Variants in MINDY2 observed in about 807,000 individuals in gnomAD.
The protein encoded by MINDY2 is MINDY lysine 48 deubiquitinase 2.
A neutral mutation model predicts 68.2 loss-of-function variants in MINDY2; 52 were observed. That is an observed-to-expected ratio of 0.76 (90% confidence interval 0.61 to 0.96). The LOEUF is 0.96. Among genes scored for constraint, MINDY2 ranks in the 40% least tolerant of loss-of-function variants. The pLI, the probability that MINDY2 is intolerant of heterozygous loss-of-function variation, is 0.00. For synonymous variants in MINDY2, 372 were observed against 303.0 expected (o/e 1.23, Z -2.36); for missense variants, 881 against 773.4 (o/e 1.14, Z -1.65).
intron 5 of MINDY2, among the ~76,000 whole-genome samples, chr15:58,828,630 C>T (rs1471452387): frequency 7.5e-6 from 1 of 133,744 alleles, no homozygotes; most frequent in Non-Finnish European, 1.5e-5. Context: ...GGTGCGATCT[C>T]GGCTCACTGA....
At chr15:58,832,821 C>T (rs1198982220) in intron 6 of MINDY2, among the ~76,000 whole-genome samples, 5 of 152,174 alleles carry the variant, frequency 3.3e-5, no homozygotes, top group East Asian at 3.8e-4. Context: ...CCACCGTGTG[C>T]GGCCAGAACT....
At chr15:58,797,391 C>T (rs1277909221) in intron 2 of MINDY2, among the ~76,000 whole-genome samples, 1 of 151,998 alleles carries the variant, frequency 6.6e-6, no homozygotes, top group Admixed American at 6.6e-5. Flanking sequence ...ACCAGTAGTC[C>T]CTGCTGCTCA....
intron 4 of MINDY2, among the ~76,000 whole-genome samples, chr15:58,811,179 C>A (rs556496820): frequency 6.6e-6 from 1 of 152,316 alleles, no homozygotes; most frequent in African/African-American, 2.4e-5. Flanking sequence ...AAAGGTCAAA[C>A]CTCTCTTTGG....
intron 1 of MINDY2, among the ~76,000 whole-genome samples, chr15:58,779,905 T>G (rs1326179110): frequency 2.0e-5 from 3 of 152,130 alleles, no homozygotes; most frequent in Admixed American, 2.0e-4. Flanking sequence ...CCATTCAACC[T>G]TGTCTGTTGA....
At chr15:58,826,182 G>C (rs1268631460) in intron 5 of MINDY2, among the ~76,000 whole-genome samples, 1 of 140,680 alleles carries the variant, frequency 7.1e-6, no homozygotes, top group African/African-American at 2.7e-5. Flanking sequence ...TTTACCAATT[G>C]TTGATATGTT....
At chr15:58,817,419 A>G (rs1230824868) in intron 4 of MINDY2, among the ~76,000 whole-genome samples, 2 of 152,224 alleles carry the variant, frequency 1.3e-5, no homozygotes, top group Admixed American at 6.5e-5. Context: ...CAGACTGGCT[A>G]ACATTTAAAA....
chr15:58,771,477 G>A lies in MINDY2; in HGVS notation c.82G>A (p.Glu28Lys). 1 of 1,612,636 alleles carries A rather than the reference G, an allele frequency of 6.2e-7. No individual in the cohort carries two copies. The highest frequency in any genetic ancestry group is 8.5e-7 in the Non-Finnish European group (1 of 1,179,846). ...AGCGTCAGGGACAGGTTCTTCGCAG[G>A]AAGGGCTACAGGAGACCAGGCTCGC... is the stretch of plus-strand genomic sequence containing the variant. ...GPASGTGSSQ[E>K]GLQETRLAAG... The change falls in exon 1 of 9, where the codon GAA becomes AAA. Residue 28 changes from glutamate (E) to lysine (K), a missense_variant. Glu to Lys is a moderately conservative substitution (Grantham distance 56). Transcript: ENST00000559228.
intron 2 of MINDY2, among the ~76,000 whole-genome samples, chr15:58,788,198 G>T (rs1901636893): frequency 6.6e-6 from 1 of 152,132 alleles, no homozygotes; most frequent in Non-Finnish European, 1.5e-5. Flanking sequence ...GTAACGTCTA[G>T]AAAACAAGAT....
At chr15:58,842,629 T>C (rs551573463) in intron 6 of MINDY2, among the ~76,000 whole-genome samples, 1 of 152,212 alleles carries the variant, frequency 6.6e-6, no homozygotes, top group Non-Finnish European at 1.5e-5. Flanking sequence ...TTCATCTTTT[T>C]CTCTTAAATA....
At chr15:58,775,571 G>A (rs1263254672) in intron 1 of MINDY2, among the ~76,000 whole-genome samples, 2 of 152,160 alleles carry the variant, frequency 1.3e-5, no homozygotes, top group Non-Finnish European at 1.5e-5. Context: ...TGGTTAGAGA[G>A]TTCTTTGTCC....
intron 6 of MINDY2, among the ~76,000 whole-genome samples, chr15:58,844,363 C>T (rs942765122): frequency 2.7e-5 from 4 of 150,282 alleles, no homozygotes; most frequent in South Asian, 2.1e-4. Flanking sequence ...CTGGCTAACA[C>T]GGTGAAACCC....
At position 58,772,065 on chromosome 15, in the gene MINDY2, G is replaced by A; in HGVS notation, c.670G>A (p.Glu224Lys). 5 of 1,611,910 alleles carry A rather than the reference G, an allele frequency of 3.1e-6. No homozygotes were observed. The highest frequency in any genetic ancestry group is 3.4e-6 in the Non-Finnish European group (4 of 1,178,748). ...AVPLCKEEEG[E>K]ETAQVLAASK... is the part of the protein sequence containing the mutation. ...TCCTCTGTGCAAGGAGGAGGAGGGG[G>A]AGGAGACCGCTCAGGTGCTGGCGGC... The change falls in exon 1 of 9, where the codon GAG becomes AAG. Residue 224 changes from glutamate to lysine, a missense_variant. Coordinates refer to ENST00000559228, the MANE Select transcript of MINDY2 (RefSeq NM_001040450.3).
Position 58,855,184 on chromosome 15 carries a change from T to C in MINDY2, c.*574T>C, listed in dbSNP as rs2033018985. Reference sequence around the variant, plus strand: ...TTTACCTTTATTTAGGAATGTACATTTTAGGTATTATCTTGATCATGGAGC... The same window carrying C: ...TTTACCTTTATTTAGGAATGTACATCTTAGGTATTATCTTGATCATGGAGC... On this transcript the variant is annotated 3_prime_UTR_variant, in exon 9 of 9. Coordinates refer to ENST00000559228, the MANE Select transcript of MINDY2 (RefSeq NM_001040450.3). 6.5e-6 allele frequency: 1 copy of C among 152,700 alleles called. No individual in the cohort carries two copies. The allele number at this position is 152,700 out of a possible 1,614,324, so 9.5% of individuals were successfully genotyped here.
chr15:58,823,857 G>GA (rs1288553201), intron 5 of MINDY2, among the ~76,000 whole-genome samples: 2 of 152,040 alleles, frequency 1.3e-5, no homozygotes, highest in South Asian at 4.1e-4. Flanking sequence ...AATGTATGGG[G>GA]AAAAAAATTC....
At chr15:58,846,764 A>G (rs940755920) in intron 6 of MINDY2, among the ~76,000 whole-genome samples, 1 of 152,198 alleles carries the variant, frequency 6.6e-6, no homozygotes, top group African/African-American at 2.4e-5. Context: ...AACACGTACA[A>G]AACAATTGTG....
intron 1 of MINDY2, among the ~76,000 whole-genome samples, chr15:58,774,643 G>C (rs906417501): frequency 5.3e-5 from 8 of 152,152 alleles, no homozygotes; most frequent in South Asian, 2.1e-4. Context: ...CAGAGAAAAC[G>C]GTAATTGGGG....
At chr15:58,820,204 T>G (rs2030971765) in intron 4 of MINDY2, among the ~76,000 whole-genome samples, 1 of 152,126 alleles carries the variant, frequency 6.6e-6, no homozygotes, top group African/African-American at 2.4e-5. Flanking sequence ...AGGCAGAGGT[T>G]GCAGTGAGCC....
At chr15:58,810,430 A>C in intron 4 of MINDY2, 42 bp downstream of exon 4, 1 of 1,459,294 alleles carries the variant, frequency 6.9e-7, no homozygotes, top group Non-Finnish European at 9.2e-7. Context: ...AAATACAGGA[A>C]AAATGTATTA....
At chr15:58,854,048 G>C (rs35059967) in intron 8 of MINDY2, among the ~76,000 whole-genome samples, 14,221 of 151,864 alleles carry the variant, frequency 0.094, 734 homozygotes, top group Admixed American at 0.16. Flanking sequence ...TGTGAGACCA[G>C]CCTGGCCAAC....
Sources: gnomAD v4.1 joint callset for allele counts (sites outside exome capture counted in the v4.1 genomes callset) on GRCh38, gnomAD v4.1.1 for gene constraint, MANE v1.5 for transcripts, NCBI Gene and HGNC (gene_info 2026-07-23, HGNC 2026-07-21) for gene names.